Variants in AHCY observed in about 807,000 individuals in gnomAD.
AHCY encodes the protein S-adenosyl-L-homocysteine hydrolase.
A neutral mutation model predicts 45.4 loss-of-function variants in AHCY; 24 were observed. That is an observed-to-expected ratio of 0.53 (90% CI 0.38 to 0.74). AHCY has a LOEUF of 0.74. Among genes scored for constraint, AHCY ranks in the 30% least tolerant of loss-of-function variants. The probability of loss-of-function intolerance (pLI) is 0.00; values close to 1 mark genes in which losing one functional copy is unlikely to be tolerated. For synonymous variants in AHCY, 245 were observed against 235.1 expected (o/e 1.04, Z -0.39); for missense variants, 449 against 594.1 (o/e 0.76, Z 2.54).
rs181908899 is a variant in AHCY, at chr20:34,288,862, C to T, written c.972+1470G>A. On this transcript the variant is annotated intron_variant, in intron 8 of 9. Coordinates refer to ENST00000217426, the MANE Select transcript of AHCY (RefSeq NM_000687.4). ...AAATAAACTCATAATAATTGCAACT[C>T]AAGTAAAACTTCACACCCCCTATAA... 6.2e-4 allele frequency among the ~76,000 whole-genome samples: 95 copies of T among 152,242 alleles called. 1 individual carries two copies. The East Asian group carries it at 0.013, about 22-fold the overall frequency.
At chr20:34,302,759 C>T in intron 1 of AHCY, 2 of 991,588 alleles carry the variant, frequency 2.0e-6, no homozygotes, top group South Asian at 9.2e-5. Context: ...AGGATCGGAG[C>T]CGGCCTGGGG....
chr20:34,249,598 C>A, the AHCY span, among the ~76,000 whole-genome samples: 2 of 152,108 alleles, frequency 1.3e-5, no homozygotes, highest in Non-Finnish European at 2.9e-5. Flanking sequence ...TGGTTTAATG[C>A]TCTCCTGTCA....
intron 1 of AHCY, among the ~76,000 whole-genome samples, chr20:34,309,007 T>G (rs553350964): frequency 1.1e-4 from 15 of 139,728 alleles, no homozygotes; most frequent in African/African-American, 4.2e-4. Flanking sequence ...CTGCTCAAGC[T>G]AGGGTACAGT....
intron 1 of AHCY, among the ~76,000 whole-genome samples, chr20:34,296,993 T>C (rs2122792833): frequency 6.6e-6 from 1 of 152,208 alleles, no homozygotes; most frequent in South Asian, 2.1e-4. Context: ...TAGTAGGCCA[T>C]CACCAGTGAT....
chr20:34,243,203 C>T, the AHCY span, among the ~76,000 whole-genome samples: 4 of 152,348 alleles, frequency 2.6e-5, no homozygotes, highest in East Asian at 5.8e-4. Flanking sequence ...GGGACACAGC[C>T]TCAAGTCTTC....
the AHCY span, among the ~76,000 whole-genome samples, chr20:34,272,988 T>A: frequency 6.6e-6 from 1 of 152,178 alleles, no homozygotes; most frequent in African/African-American, 2.4e-5. Context: ...AGCTTCTGCG[T>A]CCTCCCTGGG....
At chr20:34,268,905 C>A in the AHCY span, 87 of 1,513,614 alleles carry the variant, frequency 5.7e-5, no homozygotes, top group Non-Finnish European at 7.4e-5. Context: ...TCCGGGATCT[C>A]CCTAGCCCGA....
chr20:34,286,632 G>A (rs565555895), intron 8 of AHCY, among the ~76,000 whole-genome samples: 12 of 151,946 alleles, frequency 7.9e-5, no homozygotes, highest in Non-Finnish European at 1.5e-4. Flanking sequence ...TCGGGAGTTC[G>A]GGACCAGCCT....
downstream of AHCY, among the ~76,000 whole-genome samples, chr20:34,277,103 T>A (rs974447714): frequency 2.0e-5 from 3 of 152,122 alleles, no homozygotes; most frequent in African/African-American, 7.2e-5. Context: ...TTTTAGTCCA[T>A]GCTACTTCCA....
At chr20:34,235,841 GAAGGAAGGAAGGAAGGAAGGAAGGA>G in the AHCY span, among the ~76,000 whole-genome samples, 2 of 36,174 alleles carry the variant, frequency 5.5e-5, no homozygotes, top group African/African-American at 7.1e-4. Context: ...AAGAAAGAAA[GAAGGAAGGAAGGAAGGAAGGAAGGA>G]AAGGAAGGAA....
chr20:34,264,315 G>C, the AHCY span, among the ~76,000 whole-genome samples: 1 of 152,142 alleles, frequency 6.6e-6, no homozygotes, highest in Non-Finnish European at 1.5e-5. Context: ...TGTTGCCATT[G>C]CGGCATGCTC....
the AHCY span, among the ~76,000 whole-genome samples, chr20:34,248,017 C>G: frequency 6.6e-6 from 1 of 151,904 alleles, no homozygotes; most frequent in East Asian, 1.9e-4. Flanking sequence ...ACCAGCCTGG[C>G]CAACATGGTG....
chr20:34,292,923 C>A (rs1334791632), intron 3 of AHCY, among the ~76,000 whole-genome samples: 1 of 152,070 alleles, frequency 6.6e-6, no homozygotes, highest in Non-Finnish European at 1.5e-5. Flanking sequence ...GGGCTTGATA[C>A]CCCACAACGC....
the AHCY span, chr20:34,269,013 T>C: frequency 1.4e-5 from 23 of 1,607,664 alleles, no homozygotes; most frequent in African/African-American, 2.1e-4. Flanking sequence ...ATGAAGAAAG[T>C]GGTGCGGCCC....
At chr20:34,271,795 CCT>C in the AHCY span, among the ~76,000 whole-genome samples, 1 of 152,016 alleles carries the variant, frequency 6.6e-6, no homozygotes, top group African/African-American at 2.4e-5. Flanking sequence ...AAAATCCTGA[CCT>C]CAAACTATCT....
the AHCY span, among the ~76,000 whole-genome samples, chr20:34,235,961 GA>G: frequency 2.4e-5 from 2 of 85,052 alleles, no homozygotes; most frequent in African/African-American, 5.2e-4. Flanking sequence ...AGGAAGGAAG[GA>G]AGGAGGGAGG....
intron 8 of AHCY, among the ~76,000 whole-genome samples, chr20:34,285,875 C>A (rs953446669): frequency 6.6e-6 from 1 of 151,922 alleles, no homozygotes; most frequent in Non-Finnish European, 1.5e-5. Context: ...CCGAGGCAGG[C>A]GGATCATGAG....
chr20:34,232,592 T>A, the AHCY span, among the ~76,000 whole-genome samples: 2 of 152,184 alleles, frequency 1.3e-5, no homozygotes, highest in Non-Finnish European at 2.9e-5. Flanking sequence ...TAGGTCTTAT[T>A]TGAGACATCC....
rs1372789213 is a variant in AHCY at position 34,290,190 on chromosome 20, T to A, written c.972+142A>T. 4.7e-6 allele frequency: 4 copies of A among 846,728 alleles called. No individual in the cohort carries two copies. In the East Asian group the frequency reaches 9.7e-5, roughly 21 times the overall value. The allele number at this position is 846,728 out of a possible 1,614,324, so 52.5% of individuals were successfully genotyped here. A position where few individuals can be genotyped will look rare whatever the true frequency, so the allele number is the denominator to read the frequency against. On this transcript the variant is annotated intron_variant, in intron 8 of 9. Coordinates refer to ENST00000217426, the MANE Select transcript of AHCY (RefSeq NM_000687.4). This position sits in a 1 kb window ranked among gnomAD's most constrained non-coding sequence, Gnocchi z 4.5. The stretch of plus-strand genomic sequence containing the variant: ...CTGCCCACAGGATAAGGTTGCCACG[T>A]CTGGCTGGCTCTGATGCTAGGCCCT...
Sources: gnomAD v4.1 joint callset for allele counts (sites outside exome capture counted in the v4.1 genomes callset) on GRCh38, gnomAD v4.1.1 for gene constraint, Gnocchi (gnomAD v3.1) non-coding constraint, MANE v1.5 for transcripts, NCBI Gene and HGNC (gene_info 2026-07-23, HGNC 2026-07-21) for gene names.